MYRIP: variants seen among roughly 807,000 people sequenced by gnomAD.
The protein encoded by MYRIP is rab effector MyRIP.
In MYRIP, 49 loss-of-function variants were observed where a neutral mutation model predicts 98.0. That is an observed-to-expected ratio of 0.50 (90% confidence interval 0.40 to 0.63). The LOEUF is 0.63. Ranked by LOEUF, MYRIP falls within the 30% of genes least tolerant of loss-of-function variation. The pLI, the probability that MYRIP is intolerant of heterozygous loss-of-function variation, is 0.00. For missense variants in MYRIP, 1,004 were observed against 1,058.2 expected (o/e 0.95, Z 0.71); for synonymous variants, 404 against 409.5 (o/e 0.99, Z 0.16).
chr3:40,031,306 A>T (rs1345969008), intron 2 of MYRIP, among the ~76,000 whole-genome samples: 1 of 152,124 alleles, frequency 6.6e-6, no homozygotes, highest in Admixed American at 6.6e-5. Flanking sequence ...TCCTAAAAAC[A>T]TCACACTGGG....
At chr3:39,889,773 G>A (rs76701024) in intron 1 of MYRIP, among the ~76,000 whole-genome samples, 2 of 152,064 alleles carry the variant, frequency 1.3e-5, no homozygotes, top group Admixed American at 6.6e-5. Flanking sequence ...AATTTATTCA[G>A]TGTTTTTAAT....
chr3:40,177,870 C>A (rs1240683590), intron 8 of MYRIP, among the ~76,000 whole-genome samples: 1 of 152,182 alleles, frequency 6.6e-6, no homozygotes, highest in Non-Finnish European at 1.5e-5. Flanking sequence ...GTTCTCCTGT[C>A]TTTTGTCCCT....
intron 9 of MYRIP, among the ~76,000 whole-genome samples, chr3:40,184,237 T>C (rs923049554): frequency 2.0e-5 from 3 of 152,206 alleles, no homozygotes; most frequent in South Asian, 2.1e-4. Context: ...GGATTGCAAA[T>C]GCACACAGAA....
intron 12 of MYRIP, among the ~76,000 whole-genome samples, chr3:40,239,070 A>G (rs1301129322): frequency 1.9e-5 from 2 of 102,926 alleles, no homozygotes; most frequent in Non-Finnish European, 3.7e-5. Flanking sequence ...CCCCCACCCC[A>G]CAACAGTCCT....
intron 10 of MYRIP, among the ~76,000 whole-genome samples, chr3:40,193,207 G>T (rs550073773): frequency 1.3e-5 from 2 of 152,246 alleles, no homozygotes; most frequent in South Asian, 4.2e-4. Context: ...TATCAAGGGG[G>T]GACTGTGGGG....
chr3:40,102,357 C>T (rs1341315649), intron 3 of MYRIP, among the ~76,000 whole-genome samples: 1 of 152,186 alleles, frequency 6.6e-6, no homozygotes, highest in African/African-American at 2.4e-5. Context: ...TGATGGGGCT[C>T]TGATATATGA....
At chr3:40,076,242 G>A (rs1948340868) in intron 3 of MYRIP, among the ~76,000 whole-genome samples, 1 of 152,086 alleles carries the variant, frequency 6.6e-6, no homozygotes, top group South Asian at 2.1e-4. Flanking sequence ...CCAAAATGTA[G>A]TGATTTAAAG....
At chr3:39,820,713 T>C (rs1941077608) in intron 1 of MYRIP, among the ~76,000 whole-genome samples, 1 of 152,230 alleles carries the variant, frequency 6.6e-6, no homozygotes, top group African/African-American at 2.4e-5. Context: ...TTTTCATTGT[T>C]TTAATCCTTG....
chr3:40,258,618 A>C lies in MYRIP; in HGVS notation c.*452A>C, dbSNP rs1292371908. On this transcript the variant is annotated 3_prime_UTR_variant, in exon 17 of 17. Coordinates refer to ENST00000302541, the MANE Select transcript of MYRIP (RefSeq NM_015460.4). ...TTTAATACATCATTAATGCTTATTA[A>C]TCTCTCACAAGCATCTTTGTCTTGC... 5.4e-5 allele frequency: 9 copies of C among 167,772 alleles called. No individual in the cohort carries two copies. Among genetic ancestry groups the C allele is most frequent in the Non-Finnish European group, 1.1e-4 (8 of 76,120 alleles). 10.4% of individuals were successfully genotyped at this position (167,772 alleles called of 1,614,324 possible).
chr3:40,079,514 A>G (rs1948428075), intron 3 of MYRIP, among the ~76,000 whole-genome samples: 2 of 152,216 alleles, frequency 1.3e-5, no homozygotes, highest in Non-Finnish European at 2.9e-5. Context: ...TTAACCTTAA[A>G]GTAGGTACAT....
chr3:39,966,135 C>T (rs1945436595), intron 2 of MYRIP, among the ~76,000 whole-genome samples: 1 of 152,122 alleles, frequency 6.6e-6, no homozygotes, highest in South Asian at 2.1e-4. Context: ...TTCTCTCTTG[C>T]CTCTCAGAAC....
intron 12 of MYRIP, among the ~76,000 whole-genome samples, chr3:40,237,095 T>C (rs1014891743): frequency 3.3e-5 from 5 of 152,164 alleles, no homozygotes; most frequent in African/African-American, 7.2e-5. Flanking sequence ...GATGGGAGGA[T>C]TGCTTGAGGC....
intron 2 of MYRIP, among the ~76,000 whole-genome samples, chr3:39,999,339 A>G (rs1055817246): frequency 1.3e-5 from 2 of 152,192 alleles, no homozygotes; most frequent in African/African-American, 4.8e-5. Context: ...CAAGAAATAA[A>G]CAACCCCATC....
chr3:40,084,907 T>C (rs1948588640), intron 3 of MYRIP, among the ~76,000 whole-genome samples: 1 of 136,782 alleles, frequency 7.3e-6, no homozygotes. Flanking sequence ...TATATATCTA[T>C]GTGTTACATG....
chr3:39,991,780 C>CT (rs1946185982), intron 2 of MYRIP, among the ~76,000 whole-genome samples: 1 of 152,104 alleles, frequency 6.6e-6, no homozygotes, highest in Non-Finnish European at 1.5e-5. Context: ...TCTATAGCTT[C>CT]TTTTTTCTGT....
intron 3 of MYRIP, among the ~76,000 whole-genome samples, chr3:40,078,914 A>G (rs1299741662): frequency 6.6e-6 from 1 of 152,184 alleles, no homozygotes; most frequent in Non-Finnish European, 1.5e-5. Context: ...GGAAAGTGGA[A>G]TATGCTCAGA....
chr3:40,255,524 C>A (rs368899178), intron 16 of MYRIP, among the ~76,000 whole-genome samples: 1 of 152,026 alleles, frequency 6.6e-6, no homozygotes, highest in South Asian at 2.1e-4. Flanking sequence ...AACGAAAGAA[C>A]AGACAATATT....
intron 10 of MYRIP, among the ~76,000 whole-genome samples, chr3:40,191,525 C>G (rs1257120865): frequency 6.6e-6 from 1 of 152,166 alleles, no homozygotes; most frequent in Non-Finnish European, 1.5e-5. Flanking sequence ...TCCAAGATTT[C>G]ACCAGTGTCT....
At chr3:40,223,853 G>A (rs891161583) in intron 11 of MYRIP, among the ~76,000 whole-genome samples, 2 of 152,152 alleles carry the variant, frequency 1.3e-5, no homozygotes, top group Admixed American at 1.3e-4. Context: ...ACACATGAAG[G>A]GGAAGATGCA....
Sources: allele counts gnomAD v4.1 joint callset (sites outside exome capture counted in the v4.1 genomes callset), GRCh38; gene constraint gnomAD v4.1.1; transcripts MANE v1.5; gene names NCBI Gene and HGNC (gene_info 2026-07-23, HGNC 2026-07-21).